The following MAP3K20 variants were observed in gnomAD, a reference collection of about 807,000 sequenced individuals.
MAP3K20 encodes HCCS-4.
Under a neutral mutation model 85.7 loss-of-function variants are expected in MAP3K20, and 40 were observed. The ratio of observed to expected loss-of-function variants is 0.47; its 90% CI spans 0.36 to 0.61. The LOEUF is 0.61. MAP3K20 is among the 20% of genes least tolerant of loss of function. The pLI is 0.00. For missense variants in MAP3K20, 817 were observed against 961.7 expected (o/e 0.85, Z 1.99); for synonymous variants, 325 against 327.7 (o/e 0.99, Z 0.09).
At chr2:173,182,327 A>G (rs1055206921) in intron 3 of MAP3K20, among the ~76,000 whole-genome samples, 3 of 152,192 alleles carry the variant, frequency 2.0e-5, no homozygotes, top group African/African-American at 7.2e-5. Context: ...CTTACTAAAA[A>G]TCATCCAATA....
At chr2:173,195,096 G>A (rs1690783831) in intron 7 of MAP3K20, among the ~76,000 whole-genome samples, 1 of 150,856 alleles carries the variant, frequency 6.6e-6, no homozygotes, top group African/African-American at 2.4e-5. Flanking sequence ...GACTGAACCT[G>A]GAAGAGTGTT....
At position 173,221,583 on chromosome 2, in the gene MAP3K20, CTTGT is replaced by C. The variant is rs1684253026; in HGVS notation, c.987+4336_987+4339del. The C allele has an allele frequency of 2.8e-6, 4 of 1,451,274 alleles. No individual in the cohort carries two copies. The African/African-American group carries it at 4.3e-5, about 15-fold the overall frequency. The allele number at this position is 1,451,274 out of a possible 1,614,324, so 89.9% of individuals were successfully genotyped here. A position where few individuals can be genotyped will look rare whatever the true frequency, so the allele number is the denominator to read the frequency against. On this transcript the variant is annotated intron_variant, in intron 11 of 19. Transcript: ENST00000375213. ...AAATGTTTGGAAAACACAAAAGTAA[CTTGT>C]TTATCTCAGTCTGTACAAAAACAGT...
At chr2:173,095,121 T>A (rs6759787) in intron 2 of MAP3K20, among the ~76,000 whole-genome samples, 1 of 151,992 alleles carries the variant, frequency 6.6e-6, no homozygotes, top group Admixed American at 6.5e-5. Context: ...CTTTTTGGAA[T>A]TCAGAATGTT....
At chr2:173,193,372 C>T (rs1477977357) in intron 7 of MAP3K20, among the ~76,000 whole-genome samples, 3 of 151,862 alleles carry the variant, frequency 2.0e-5, no homozygotes, top group African/African-American at 7.3e-5. Flanking sequence ...ATTTCCTTAT[C>T]TCAAAAATTT....
intron 1 of MAP3K20, among the ~76,000 whole-genome samples, chr2:173,090,216 C>A (rs1205594882): frequency 1.3e-5 from 2 of 152,110 alleles, no homozygotes; most frequent in Non-Finnish European, 2.9e-5. Context: ...TTAACAATGG[C>A]CACTTACCTG....
chr2:173,259,887 G>C (rs935424663), intron 17 of MAP3K20, among the ~76,000 whole-genome samples: 2 of 152,166 alleles, frequency 1.3e-5, no homozygotes, highest in Non-Finnish European at 2.9e-5. Flanking sequence ...CCCATACCAC[G>C]GAGTTGTAAA....
chr2:173,173,053 G>C (rs1690046880), intron 3 of MAP3K20, among the ~76,000 whole-genome samples: 2 of 152,014 alleles, frequency 1.3e-5, no homozygotes, highest in South Asian at 2.1e-4. Flanking sequence ...GCCTCCCAAA[G>C]GGCTGGGATT....
At chr2:173,194,525 T>G (rs1380470734) in intron 7 of MAP3K20, among the ~76,000 whole-genome samples, 2 of 152,144 alleles carry the variant, frequency 1.3e-5, no homozygotes, top group East Asian at 3.9e-4. Context: ...TGGGACCATG[T>G]TAGTTTTAGA....
intron 11 of MAP3K20, among the ~76,000 whole-genome samples, chr2:173,220,032 C>T (rs541048944): frequency 9.0e-4 from 121 of 134,448 alleles, no homozygotes; most frequent in African/African-American, 3.1e-3. Context: ...AGTGCCACTG[C>T]ACTCCAGCCT....
intron 2 of MAP3K20, among the ~76,000 whole-genome samples, chr2:173,109,711 C>T (rs2053964): frequency 0.064 from 9,751 of 152,072 alleles, 958 homozygotes; most frequent in East Asian, 0.54. Flanking sequence ...ACCTTCTCTG[C>T]TCTCTGGAAG....
chr2:173,221,343 C>T (rs1684241845), intron 11 of MAP3K20: 1 of 1,613,810 alleles, frequency 6.2e-7, no homozygotes, highest in South Asian at 1.1e-5. Flanking sequence ...AAAGCAGGAG[C>T]TGTGATGCAT....
chr2:173,248,408 G>A lies in MAP3K20; in HGVS notation c.1359+8912G>A, dbSNP rs778673239. On this transcript the variant is annotated intron_variant, in intron 16 of 19. Coordinates refer to ENST00000375213, the MANE Select transcript of MAP3K20 (RefSeq NM_016653.3). ...CATATATCAGTCATATCTCAATAAA[G>A]TGGTTTTTTAAAAATGAGAAAGAAA... Among the ~76,000 whole-genome samples, 6 of 152,302 alleles carry A rather than the reference G, an allele frequency of 3.9e-5. No individual in the cohort carries two copies. In the Middle Eastern group the frequency reaches 0.01, roughly 259 times the overall value.
At chr2:173,104,383 G>A (rs1476194271) in intron 2 of MAP3K20, among the ~76,000 whole-genome samples, 1 of 152,142 alleles carries the variant, frequency 6.6e-6, no homozygotes, top group Admixed American at 6.5e-5. Context: ...CCTGGCCCCA[G>A]TGCTCCTCAA....
intron 4 of MAP3K20, among the ~76,000 whole-genome samples, chr2:173,183,220 T>G (rs1046221999): frequency 6.6e-5 from 10 of 152,164 alleles, no homozygotes; most frequent in Non-Finnish European, 1.2e-4. Context: ...GACATGTTTG[T>G]CATGTTTTGT....
At chr2:173,187,786 A>G (rs544299172) in intron 5 of MAP3K20, among the ~76,000 whole-genome samples, 163 bp downstream of exon 5, 1 of 152,348 alleles carries the variant, frequency 6.6e-6, no homozygotes, top group African/African-American at 2.4e-5. Context: ...AAAAATCTCA[A>G]TATTATTTAA....
At chr2:173,259,926 C>T (rs1392223333) in intron 17 of MAP3K20, among the ~76,000 whole-genome samples, 1 of 152,140 alleles carries the variant, frequency 6.6e-6, no homozygotes. Context: ...TGCTATCATG[C>T]CATACATACA....
At chr2:173,180,088 AC>A (rs1690280841) in intron 3 of MAP3K20, among the ~76,000 whole-genome samples, 1 of 152,200 alleles carries the variant, frequency 6.6e-6, no homozygotes, top group African/African-American at 2.4e-5. Flanking sequence ...ATCCCAGCAG[AC>A]TTTTTTTTAG....
At chr2:173,163,309 A>G (rs1267904712) in intron 2 of MAP3K20, among the ~76,000 whole-genome samples, 2 of 152,152 alleles carry the variant, frequency 1.3e-5, no homozygotes, top group African/African-American at 4.8e-5. Context: ...CCCTGTGTCT[A>G]TTGTTTCCTA....
chr2:173,198,267 C>T lies in MAP3K20; in HGVS notation c.669+155C>T, dbSNP rs1375450020. 1 of 585,224 alleles carries T rather than the reference C, an allele frequency of 1.7e-6. No individual in the cohort carries two copies. The highest frequency in any genetic ancestry group is 2.9e-6 in the Non-Finnish European group (1 of 340,286). The allele number at this position is 585,224 out of a possible 1,614,324, so 36.3% of individuals were successfully genotyped here. On this transcript the variant is annotated intron_variant, in intron 8 of 19. Transcript: ENST00000375213. This position sits in a 1 kb window ranked among gnomAD's most constrained non-coding sequence, Gnocchi z 5.8. ...CACAAAGGGTCAAAGTGATGTTATTCCTCATGAATGGACCCTTTACATCTA... is the reference window on the plus strand; with the variant it reads ...CACAAAGGGTCAAAGTGATGTTATTTCTCATGAATGGACCCTTTACATCTA...
Sources: allele counts gnomAD v4.1 joint callset (sites outside exome capture counted in the v4.1 genomes callset), GRCh38; gene constraint gnomAD v4.1.1; non-coding constraint Gnocchi (gnomAD v3.1); transcripts MANE v1.5; gene names NCBI Gene and HGNC (gene_info 2026-07-23, HGNC 2026-07-21).